The following SYT1 variants were observed in gnomAD, a reference collection of about 807,000 sequenced individuals.
SYT1 encodes the protein synaptotagmin 1.
SYT1 carries 8 observed loss-of-function variants against 44.8 expected under a neutral mutation model. The observed-to-expected ratio is 0.18, with a 90% CI of 0.10 to 0.32. The LOEUF (loss-of-function observed/expected upper bound fraction) is 0.32. Among genes scored for constraint, SYT1 ranks in the 10% least tolerant of loss-of-function variants. The pLI is 1.00. For synonymous variants in SYT1, 154 were observed against 188.8 expected, an observed-to-expected ratio of 0.82 and a Z score of 1.51; for missense variants, 286 against 509.3, an observed-to-expected ratio of 0.56 and a Z score of 4.22.
At chr12:79,065,988 G>T (rs1478766034) in intron 3 of SYT1, among the ~76,000 whole-genome samples, 2 of 152,054 alleles carry the variant, frequency 1.3e-5, no homozygotes, top group South Asian at 2.1e-4. Context: ...ATGGGAAAAA[G>T]ATATAAATGA....
At chr12:79,141,691 T>C (rs1869566745) in intron 3 of SYT1, among the ~76,000 whole-genome samples, 1 of 152,198 alleles carries the variant, frequency 6.6e-6, no homozygotes, top group African/African-American at 2.4e-5. Flanking sequence ...CAAGATGATA[T>C]CTACTAAAAT....
At chr12:79,419,284 A>G (rs1868952307) in intron 9 of SYT1, 1 of 525,230 alleles carries the variant, frequency 1.9e-6, no homozygotes, top group Non-Finnish European at 3.9e-6. Flanking sequence ...ATTCATTTAG[A>G]AAAGAGAATT....
chr12:79,098,397 G>A (rs867442967), intron 3 of SYT1, among the ~76,000 whole-genome samples: 3 of 152,018 alleles, frequency 2.0e-5, no homozygotes, highest in African/African-American at 4.8e-5. Flanking sequence ...AAATCTCAAA[G>A]TATTAGCAAC....
At position 79,449,008 on chromosome 12, in the gene SYT1, G is replaced by A. The variant is rs143749580; in HGVS notation, c.1153G>A (p.Gly385Ser). 1.5e-5 allele frequency: 24 copies of A among 1,614,084 alleles called. No individual in the cohort carries two copies. The highest frequency in any genetic ancestry group is 1.9e-5 in the Non-Finnish European group (23 of 1,180,036). ...GKVFVGYNSTGAELRHWSDML... is the reference protein window; with the variant it reads ...GKVFVGYNSTSAELRHWSDML... ...AGTCTTTGTGGGCTACAACAGCACCGGCGCGGAGCTGCGACACTGGTCAGA... is the reference window on the plus strand; with the variant it reads ...AGTCTTTGTGGGCTACAACAGCACCAGCGCGGAGCTGCGACACTGGTCAGA... Residue 385 changes from glycine to serine, a missense_variant, in exon 11 of 11, where the codon GGC becomes AGC. By Grantham distance (56) the Gly-to-Ser change is moderately conservative (BLOSUM62 0). This residue lies in a region of SYT1 where 34 missense variants were observed against 59.0 expected (regional missense o/e 0.58). Transcript: ENST00000261205.
At position 78,870,536 on chromosome 12, in the gene SYT1, T is replaced by C. The variant is rs142294716; in HGVS notation, c.-217+5427T>C. ...CATATGCACTCAAATGCAAACATAT[T>C]TGAAGAGTTTGAAATGTAAACATTC... is the stretch of plus-strand genomic sequence containing the variant. On this transcript the variant is annotated intron_variant, in intron 1 of 10. Transcript: ENST00000261205. Among the ~76,000 whole-genome samples the C allele has an allele frequency of 2.6e-3, 395 of 152,202 alleles. 6 individuals carry two copies. Among genetic ancestry groups the C allele is most frequent in the Non-Finnish European group, 2.4e-4 (16 of 67,978 alleles).
chr12:79,387,232 T>C (rs550382556), intron 9 of SYT1, among the ~76,000 whole-genome samples: 1 of 152,320 alleles, frequency 6.6e-6, no homozygotes, highest in East Asian at 1.9e-4. Context: ...TTTGCACATA[T>C]TATGCACTTT....
At chr12:79,180,127 T>C (rs1872431552) in intron 3 of SYT1, among the ~76,000 whole-genome samples, 1 of 152,118 alleles carries the variant, frequency 6.6e-6, no homozygotes, top group Non-Finnish European at 1.5e-5. Flanking sequence ...TTGTCAGATA[T>C]TGCCAAATTT....
At chr12:79,193,138 A>G (rs564568432) in intron 3 of SYT1, among the ~76,000 whole-genome samples, 1 of 152,318 alleles carries the variant, frequency 6.6e-6, no homozygotes, top group Admixed American at 6.5e-5. Context: ...AATCCAGGAA[A>G]CAATTTTTTA....
chr12:79,154,879 C>T (rs1451689485), intron 3 of SYT1, among the ~76,000 whole-genome samples: 2 of 152,086 alleles, frequency 1.3e-5, no homozygotes, highest in Admixed American at 6.6e-5. Context: ...GCATATTGCA[C>T]CACTTAGAGG....
chr12:79,180,592 T>C (rs1872473265), intron 3 of SYT1, among the ~76,000 whole-genome samples: 1 of 151,958 alleles, frequency 6.6e-6, no homozygotes, highest in Non-Finnish European at 1.5e-5. Flanking sequence ...CTTATAATCA[T>C]GGCTGAAGTG....
At chr12:79,153,273 A>G (rs1353751201) in intron 3 of SYT1, among the ~76,000 whole-genome samples, 3 of 152,266 alleles carry the variant, frequency 2.0e-5, no homozygotes, top group African/African-American at 4.8e-5. Context: ...TCTATAATCA[A>G]TTGGATGCCA....
intron 3 of SYT1, among the ~76,000 whole-genome samples, chr12:79,099,319 C>A (rs1181369912): frequency 1.3e-5 from 2 of 152,062 alleles, no homozygotes; most frequent in Admixed American, 1.3e-4. Context: ...AGCTTTAGCA[C>A]AATAACGTTT....
At chr12:78,909,395 CG>C (rs1876180405) in intron 1 of SYT1, among the ~76,000 whole-genome samples, 1 of 151,446 alleles carries the variant, frequency 6.6e-6, no homozygotes, top group African/African-American at 2.4e-5. Context: ...AAATTGTTTT[CG>C]GTATTTATAA....
rs1164411218 is a variant in SYT1 at position 78,917,655 on chromosome 12, G to A, written c.-217+52546G>A. Among the ~76,000 whole-genome samples the A allele has an allele frequency of 2.7e-5, 4 of 150,294 alleles. No individual in the cohort carries two copies. The East Asian group carries it at 5.9e-4, about 22-fold the overall frequency. On this transcript the variant is annotated intron_variant, in intron 1 of 10. Transcript: ENST00000261205. ...AAAAAGGAAAACCAATTTTGTTCTT[G>A]AGAATAAATTTCCGTTAACACCCCT...
chr12:79,088,394 A>G (rs190430475), intron 3 of SYT1, among the ~76,000 whole-genome samples: 205 of 152,248 alleles, frequency 1.3e-3, no homozygotes, highest in South Asian at 2.1e-3. Flanking sequence ...GATACTAGTA[A>G]TAATAATTAG....
chr12:79,334,624 C>T (rs1882006089), intron 8 of SYT1, among the ~76,000 whole-genome samples: 1 of 152,168 alleles, frequency 6.6e-6, no homozygotes, highest in East Asian at 1.9e-4. Flanking sequence ...ATCCGCTCTC[C>T]TTGTTCTATT....
At chr12:79,359,800 T>G (rs937084018) in intron 9 of SYT1, among the ~76,000 whole-genome samples, 1 of 152,138 alleles carries the variant, frequency 6.6e-6, no homozygotes, top group Non-Finnish European at 1.5e-5. Context: ...ATTTGGGAAA[T>G]GCAGCCAGAT....
At chr12:79,085,647 G>C (rs1237068195) in intron 3 of SYT1, among the ~76,000 whole-genome samples, 1 of 152,144 alleles carries the variant, frequency 6.6e-6, no homozygotes, top group Non-Finnish European at 1.5e-5. Context: ...GTAACCAGGA[G>C]TAGGACCATA....
At chr12:78,948,728 A>G (rs1388658863) in intron 1 of SYT1, among the ~76,000 whole-genome samples, 1 of 151,870 alleles carries the variant, frequency 6.6e-6, no homozygotes, top group African/African-American at 2.4e-5. Flanking sequence ...CAGACATATG[A>G]AAATCTTAAA....
Sources: gnomAD v4.1 joint callset for allele counts (sites outside exome capture counted in the v4.1 genomes callset) on GRCh38, gnomAD v4.1.1 for gene constraint, gnomAD v4.1.1 regional missense constraint, MANE v1.5 for transcripts, NCBI Gene and HGNC (gene_info 2026-07-23, HGNC 2026-07-21) for gene names.